GNAZ: variants seen among roughly 807,000 people sequenced by gnomAD.
The protein encoded by GNAZ is guanine nucleotide-binding protein G(z) subunit alpha.
GNAZ carries 3 observed loss-of-function variants against 25.4 expected under a neutral mutation model. The ratio of observed to expected loss-of-function variants is 0.12; its 90% CI spans 0.05 to 0.30. The LOEUF (loss-of-function observed/expected upper bound fraction) is 0.30, where lower values mean the gene tolerates loss of function less well. Ranked by LOEUF, GNAZ falls within the 10% of genes least tolerant of loss-of-function variation. The probability of loss-of-function intolerance (pLI) is 1.00; values close to 1 mark genes in which losing one functional copy is unlikely to be tolerated. For missense variants in GNAZ, 241 were observed against 501.8 expected, an observed-to-expected ratio of 0.48 and a Z score of 4.97; for synonymous variants, 211 against 205.7, an observed-to-expected ratio of 1.03 and a Z score of -0.22.
chr22:23,076,768 G>A (rs2068515946), intron 1 of GNAZ, among the ~76,000 whole-genome samples: 1 of 152,246 alleles, frequency 6.6e-6, no homozygotes, highest in Non-Finnish European at 1.5e-5. Flanking sequence ...GGTAGTAAAG[G>A]AACATGATGA....
At chr22:23,099,492 G>T (rs2069231871) in intron 2 of GNAZ, among the ~76,000 whole-genome samples, 2 of 152,264 alleles carry the variant, frequency 1.3e-5, no homozygotes, top group Admixed American at 1.3e-4. Flanking sequence ...ACACAAGGGG[G>T]TTTTTCTGGC....
In GNAZ at chr22:23,124,449, G is replaced by T; in HGVS notation, c.*1018G>T. 2.1e-6 allele frequency: 1 copy of T among 467,988 alleles called. No homozygotes were observed. Among genetic ancestry groups the T allele is most frequent in the Non-Finnish European group, 4.4e-6 (1 of 225,174 alleles). 29.0% of individuals were successfully genotyped at this position (467,988 alleles called of 1,614,324 possible). A position where few individuals can be genotyped will look rare whatever the true frequency, so the allele number is the denominator to read the frequency against. ...GTCCTGCGCCAGCCTCGCGGGACAC[G>T]TGTTGTACATAAGCCTCTGCAGTGT... On this transcript the variant is annotated 3_prime_UTR_variant, in exon 3 of 3. Transcript: ENST00000615612.
intron 1 of GNAZ, among the ~76,000 whole-genome samples, chr22:23,076,340 C>T (rs186196347): frequency 1.1e-4 from 17 of 152,290 alleles, no homozygotes; most frequent in Admixed American, 2.6e-4. Context: ...CCCAGGGAGT[C>T]GCTGTGGAGG....
chr22:23,073,800 G>A (rs572970316), intron 1 of GNAZ, among the ~76,000 whole-genome samples: 1 of 152,346 alleles, frequency 6.6e-6, no homozygotes, highest in East Asian at 1.9e-4. Flanking sequence ...TGTGCCAGGT[G>A]CAGGGGTACA....
In GNAZ at chr22:23,079,888, G is replaced by C. The variant is rs372164592; in HGVS notation, c.-450+9318G>C. ...GTAGTGGACACCACTCATGCCCCTA[G>C]GTCCCCAAGGTAGGGGATGGGATTG... On this transcript the variant is annotated intron_variant, in intron 1 of 2. Transcript: ENST00000615612. 6.6e-5 allele frequency among the ~76,000 whole-genome samples: 10 copies of C among 152,280 alleles called. No homozygotes were observed. In the South Asian group the frequency reaches 8.3e-4, roughly 13 times the overall value.
intron 2 of GNAZ, among the ~76,000 whole-genome samples, chr22:23,100,464 G>T (rs2069265951): frequency 6.6e-6 from 1 of 152,242 alleles, no homozygotes; most frequent in African/African-American, 2.4e-5. Context: ...GGGGACGGGG[G>T]ACATAAGAAC....
chr22:23,094,244 G>C (rs1180548798), intron 1 of GNAZ, among the ~76,000 whole-genome samples: 1 of 152,144 alleles, frequency 6.6e-6, no homozygotes, highest in African/African-American at 2.4e-5. Context: ...GTGTGAGTTG[G>C]GTGGGGCCTG....
intron 2 of GNAZ, among the ~76,000 whole-genome samples, chr22:23,119,040 GGCAT>G (rs1306127726): frequency 4.6e-5 from 7 of 152,230 alleles, no homozygotes; most frequent in African/African-American, 1.4e-4. Flanking sequence ...GCCAGCAGAA[GGCAT>G]GCTGGGGCTT....
At chr22:23,092,812 T>C (rs2069020761) in intron 1 of GNAZ, among the ~76,000 whole-genome samples, 1 of 152,188 alleles carries the variant, frequency 6.6e-6, no homozygotes, top group Non-Finnish European at 1.5e-5. Flanking sequence ...TGCCCACCAC[T>C]GGGGACAGAA....
At position 23,122,811 on chromosome 22, in the gene GNAZ, T is replaced by G. The variant is rs374058953; in HGVS notation, c.724-276T>G. 1,745 of 519,016 alleles carry G rather than the reference T, an allele frequency of 3.4e-3. 56 individuals are homozygous for G. In the South Asian group the frequency reaches 0.044, roughly 13 times the overall value. The allele number at this position is 519,016 out of a possible 1,614,324, so 32.2% of individuals were successfully genotyped here. A position where few individuals can be genotyped will look rare whatever the true frequency, so the allele number is the denominator to read the frequency against. On this transcript the variant is annotated intron_variant, in intron 2 of 2. Transcript: ENST00000615612. The stretch of plus-strand genomic sequence containing the variant: ...TGGCACATCTGTAGCCCCAAAGCTA[T>G]ATGTTGAGATCACTGGCACCCAGAG...
At chr22:23,100,460 G>T (rs905005832) in intron 2 of GNAZ, among the ~76,000 whole-genome samples, 1 of 152,208 alleles carries the variant, frequency 6.6e-6, no homozygotes, top group African/African-American at 2.4e-5. Context: ...TCCAGGGGAC[G>T]GGGGACATAA....
intron 1 of GNAZ, among the ~76,000 whole-genome samples, chr22:23,077,505 C>G (rs2068539423): frequency 6.6e-6 from 1 of 152,156 alleles, no homozygotes; most frequent in Non-Finnish European, 1.5e-5. Context: ...CAGCAAGGAG[C>G]CCCTAGAAGC....
In GNAZ at chr22:23,071,462, G is replaced by C. The variant is rs1188931476; in HGVS notation, c.-450+892G>C. ...TAGAGAGGTCTGTCTTGCTTGGGGAGACAGCTGAGCCCCTGACCGGCTCCT... is the reference window on the plus strand; with the variant it reads ...TAGAGAGGTCTGTCTTGCTTGGGGACACAGCTGAGCCCCTGACCGGCTCCT... On this transcript the variant is annotated intron_variant, in intron 1 of 2. Coordinates refer to ENST00000615612, the MANE Select transcript of GNAZ (RefSeq NM_002073.4). This position sits in a 1 kb window ranked among gnomAD's most constrained non-coding sequence, Gnocchi z 4.1. Among the ~76,000 whole-genome samples, 4 of 152,226 alleles carry C rather than the reference G, an allele frequency of 2.6e-5. No homozygotes were observed. The highest frequency in any genetic ancestry group is 9.6e-5 in the African/African-American group (4 of 41,454).
chr22:23,116,572 CTG>C (rs2069841948), intron 2 of GNAZ, among the ~76,000 whole-genome samples: 1 of 152,230 alleles, frequency 6.6e-6, no homozygotes, highest in African/African-American at 2.4e-5. Context: ...ATGCCCCACT[CTG>C]GGCTCCTCAG....
chr22:23,092,713 A>G (rs1203344056), intron 1 of GNAZ, among the ~76,000 whole-genome samples: 3 of 152,178 alleles, frequency 2.0e-5, no homozygotes, highest in Admixed American at 2.0e-4. Context: ...AGTGTCCCCA[A>G]CCTGCTCTCC....
At chr22:23,077,762 A>G (rs2068545583) in intron 1 of GNAZ, among the ~76,000 whole-genome samples, 1 of 152,204 alleles carries the variant, frequency 6.6e-6, no homozygotes, top group African/African-American at 2.4e-5. Context: ...AGCTGCCAAG[A>G]GGGGCCTTCT....
At chr22:23,120,915 C>G (rs886965853) in intron 2 of GNAZ, among the ~76,000 whole-genome samples, 3 of 152,182 alleles carry the variant, frequency 2.0e-5, no homozygotes, top group African/African-American at 7.2e-5. Flanking sequence ...TTAACTGATG[C>G]AAAATTTGGG....
At chr22:23,118,482 A>C (rs737846) in intron 2 of GNAZ, among the ~76,000 whole-genome samples, 240 of 142,436 alleles carry the variant, frequency 1.7e-3, no homozygotes, top group East Asian at 5.8e-3. Flanking sequence ...GCCCCGCCCC[A>C]CCCCCCGCGG....
Position 23,104,951 on chromosome 22 carries a change from C to T in GNAZ, c.723+8533C>T, listed in dbSNP as rs981539992. Among the ~76,000 whole-genome samples, 6 of 152,368 alleles carry T rather than the reference C, an allele frequency of 3.9e-5. No homozygotes were observed. In the South Asian group the frequency reaches 1.2e-3, roughly 32 times the overall value. ...CAGGGCAGAGTGAAAGGTGTTTCTT[C>T]TCTCTGCATGTGGCTCCCGTCTGGA... On this transcript the variant is annotated intron_variant, in intron 2 of 2. Coordinates refer to ENST00000615612, the MANE Select transcript of GNAZ (RefSeq NM_002073.4).
Sources: allele counts gnomAD v4.1 joint callset (sites outside exome capture counted in the v4.1 genomes callset), GRCh38; gene constraint gnomAD v4.1.1; non-coding constraint Gnocchi (gnomAD v3.1); transcripts MANE v1.5; gene names NCBI Gene and HGNC (gene_info 2026-07-23, HGNC 2026-07-21).